The following HNF4A variants were observed in gnomAD, a reference collection of about 807,000 sequenced individuals.
HNF4A encodes hepatocyte nuclear factor 4 alpha.
A neutral mutation model predicts 52.4 loss-of-function variants in HNF4A; 15 were observed. That is an observed-to-expected ratio of 0.29 (90% CI 0.19 to 0.44). The LOEUF (loss-of-function observed/expected upper bound fraction) is 0.44, where lower values mean the gene tolerates loss of function less well. Ranked by LOEUF, HNF4A falls within the 20% of genes least tolerant of loss-of-function variation. The probability of loss-of-function intolerance (pLI) is 1.00; values close to 1 mark genes in which losing one functional copy is unlikely to be tolerated. For synonymous variants in HNF4A, 280 were observed against 264.4 expected (o/e 1.06, Z -0.57); for missense variants, 479 against 647.2 (o/e 0.74, Z 2.82).
chr20:44,382,907 G>A (rs1369178271), intron 1 of HNF4A, among the ~76,000 whole-genome samples: 2 of 152,164 alleles, frequency 1.3e-5, no homozygotes, highest in Admixed American at 6.5e-5. Context: ...GGTGACTCAC[G>A]TCTGTAATCC....
chr20:44,406,246 A>G lies in HNF4A; in HGVS notation c.290+14A>G, dbSNP rs1414849746. The G allele has an allele frequency of 3.7e-6, 6 of 1,611,380 alleles. No homozygotes were observed. In the African/African-American group the frequency reaches 5.3e-5, roughly 14 times the overall value. On this transcript the variant is annotated intron_variant, in intron 2 of 9. Transcript: ENST00000316099. ...GTACTCCTGCAGGTGAGGAGCCTCA[A>G]TTTCTTCAGCTGGGAAATGGGCACA...
At chr20:44,356,856 C>G (rs985912634) in intron 1 of HNF4A, among the ~76,000 whole-genome samples, 3 of 152,184 alleles carry the variant, frequency 2.0e-5, no homozygotes, top group Non-Finnish European at 4.4e-5. Context: ...CCGCACAGAA[C>G]TTGGTCTCTG....
Position 44,406,112 on chromosome 20 carries a change from G to T in HNF4A, c.170G>T (p.Ser57Ile), listed in dbSNP as rs201545824. 6.2e-7 allele frequency: 1 copy of T among 1,613,456 alleles called. No homozygotes were observed. ...AACGCGCCCAACAGCCTGGGTGTCA[G>T]CGCCCTGTGTGCCATCTGCGGGGAC... is the stretch of plus-strand genomic sequence containing the variant. Residue 57 changes from serine (S) to isoleucine (I), a missense_variant, in exon 2 of 10, where the codon AGC (serine) becomes ATC (isoleucine). Physicochemically the swap from Ser to Ile is moderately radical, Grantham distance 142. Coordinates refer to ENST00000316099, the MANE Select transcript of HNF4A (RefSeq NM_000457.6).
chr20:44,390,559 G>T (rs1251100487), intron 1 of HNF4A: 2 of 701,014 alleles, frequency 2.9e-6, no homozygotes, highest in East Asian at 2.7e-5. Context: ...AGGGTCTGGG[G>T]TGCTGAGAGG....
chr20:44,360,345 T>C (rs953406457), intron 1 of HNF4A, among the ~76,000 whole-genome samples: 1 of 152,014 alleles, frequency 6.6e-6, no homozygotes, highest in Non-Finnish European at 1.5e-5. Context: ...AATGAGTAAC[T>C]GGGGAGATGG....
At chr20:44,416,649 G>A (rs570082693) in intron 5 of HNF4A, among the ~76,000 whole-genome samples, 72 of 152,370 alleles carry the variant, frequency 4.7e-4, no homozygotes, top group African/African-American at 1.7e-3. Context: ...AAGGGGCAAG[G>A]ACAAGTGGCT....
chr20:44,429,289 G>T (rs1176153238), intron 9 of HNF4A, among the ~76,000 whole-genome samples: 1 of 152,184 alleles, frequency 6.6e-6, no homozygotes, highest in African/African-American at 2.4e-5. Context: ...GAGATGGGTG[G>T]TAGGACCTTC....
chr20:44,389,374 A>G (rs555785322), intron 1 of HNF4A, among the ~76,000 whole-genome samples: 1 of 152,370 alleles, frequency 6.6e-6, no homozygotes, highest in South Asian at 2.1e-4. Flanking sequence ...ACCCAGTTTC[A>G]TATGAGTGTC....
chr20:44,417,281 G>T (rs2063678493), intron 5 of HNF4A, among the ~76,000 whole-genome samples: 1 of 152,154 alleles, frequency 6.6e-6, no homozygotes, highest in Non-Finnish European at 1.5e-5. Context: ...GCCATCCTTT[G>T]GTCCTCAGGC....
intron 3 of HNF4A, among the ~76,000 whole-genome samples, chr20:44,411,117 T>C (rs2063575057): frequency 1.3e-5 from 2 of 152,058 alleles, no homozygotes; most frequent in Non-Finnish European, 2.9e-5. Context: ...AATATTCGGC[T>C]CCTGGCATCA....
chr20:44,406,683 C>T (rs545971464), intron 2 of HNF4A, among the ~76,000 whole-genome samples: 3 of 152,346 alleles, frequency 2.0e-5, no homozygotes, highest in Non-Finnish European at 2.9e-5. Context: ...GGAGAGCCCT[C>T]TTTCGAAAGC....
intron 5 of HNF4A, among the ~76,000 whole-genome samples, chr20:44,415,833 A>G (rs982343005): frequency 1.3e-5 from 2 of 152,168 alleles, no homozygotes; most frequent in East Asian, 1.9e-4. Context: ...GCCCTCTTCC[A>G]TGGTTCCTCC....
chr20:44,427,585 T>G (rs564939455), intron 8 of HNF4A, among the ~76,000 whole-genome samples: 1 of 152,330 alleles, frequency 6.6e-6, no homozygotes, highest in East Asian at 1.9e-4. Flanking sequence ...CATGTGGTAT[T>G]TTTACTCCCT....
chr20:44,385,204 G>T (rs551946942), intron 1 of HNF4A, among the ~76,000 whole-genome samples: 8 of 151,634 alleles, frequency 5.3e-5, no homozygotes, highest in African/African-American at 1.7e-4. Context: ...AATTCAAGGA[G>T]AGGGTCCAGG....
chr20:44,418,664 G>A (rs1461060202), intron 6 of HNF4A, 152 bp downstream of exon 6: 2 of 629,198 alleles, frequency 3.2e-6, no homozygotes, highest in Non-Finnish European at 5.6e-6. Context: ...GAGGGCTCCA[G>A]GACTCAGTTT....
intron 4 of HNF4A, among the ~76,000 whole-genome samples, chr20:44,414,083 C>T (rs1011717056): frequency 1.3e-5 from 2 of 152,224 alleles, no homozygotes; most frequent in Admixed American, 6.5e-5. Flanking sequence ...AGCTCAGCTC[C>T]GAGAGAACAG....
chr20:44,386,359 G>C (rs953082333), intron 1 of HNF4A, among the ~76,000 whole-genome samples: 4 of 151,796 alleles, frequency 2.6e-5, no homozygotes, highest in African/African-American at 9.7e-5. Flanking sequence ...TAGAGACGAG[G>C]TCTCACCATG....
At chr20:44,417,824 C>T (rs2063686234) in intron 5 of HNF4A, among the ~76,000 whole-genome samples, 1 of 151,930 alleles carries the variant, frequency 6.6e-6, no homozygotes, top group Non-Finnish European at 1.5e-5. Flanking sequence ...ATAAAATTAG[C>T]CAGGCATGGT....
At chr20:44,433,308 T>A (rs1211025652), downstream of HNF4A, 2 of 154,388 alleles carry the variant, frequency 1.3e-5, no homozygotes, top group African/African-American at 4.8e-5. Context: ...CTGCCAGCAA[T>A]GGAAGATGAG....
Sources: gnomAD v4.1 joint callset for allele counts (sites outside exome capture counted in the v4.1 genomes callset) on GRCh38, gnomAD v4.1.1 for gene constraint, MANE v1.5 for transcripts, NCBI Gene and HGNC (gene_info 2026-07-23, HGNC 2026-07-21) for gene names.